DIAPH3: variants seen among roughly 807,000 people sequenced by gnomAD.
DIAPH3 encodes the protein diaphanous related formin 3, also known as protein diaphanous homolog 3.
DIAPH3 carries 117 observed loss-of-function variants against 144.3 expected under a neutral mutation model. The ratio of observed to expected loss-of-function variants is 0.81; its 90% CI spans 0.70 to 0.95. The LOEUF is 0.95. DIAPH3 is among the 40% of genes least tolerant of loss of function. DIAPH3 has a pLI of 0.00. For synonymous variants in DIAPH3, 519 were observed against 488.9 expected, an observed-to-expected ratio of 1.06 and a Z score of -0.81; for missense variants, 1,421 against 1,412.7, an observed-to-expected ratio of 1.01 and a Z score of -0.09.
rs146174863 is a variant in DIAPH3 at position 59,795,602 on chromosome 13, C to T, written c.3163+15186G>A. On this transcript the variant is annotated intron_variant, in intron 25 of 27. Coordinates refer to ENST00000400324, the MANE Select transcript of DIAPH3 (RefSeq NM_001042517.2). The stretch of plus-strand genomic sequence containing the variant: ...CTGAGTAGCTGGGACTACAGGTGGC[C>T]GCCACCATTCCAGGCTATTTTTTTT... Among the ~76,000 whole-genome samples, 44 of 152,002 alleles carry T rather than the reference C, an allele frequency of 2.9e-4. No homozygotes were observed. The East Asian group carries it at 6.6e-3, about 23-fold the overall frequency.
intron 9 of DIAPH3, among the ~76,000 whole-genome samples, chr13:60,003,533 A>C (rs541750864): frequency 1.8e-4 from 27 of 150,260 alleles, no homozygotes; most frequent in African/African-American, 4.9e-4. Flanking sequence ...ATATATAGAT[A>C]TATCTATCTA....
chr13:59,856,631 CTAA>C (rs1440106362), intron 22 of DIAPH3, among the ~76,000 whole-genome samples: 1 of 152,168 alleles, frequency 6.6e-6, no homozygotes, highest in African/African-American at 2.4e-5. Flanking sequence ...TAGGGATATC[CTAA>C]TGATCTCATT....
chr13:60,031,732 CTTTT>C (rs1165739891), intron 5 of DIAPH3, among the ~76,000 whole-genome samples: 5 of 64,680 alleles, frequency 7.7e-5, no homozygotes, highest in South Asian at 7.0e-4. Context: ...GTCATTAAAT[CTTTT>C]TTTTTTTTTT....
intron 1 of DIAPH3, among the ~76,000 whole-genome samples, chr13:60,152,428 T>C (rs1371705707): frequency 2.0e-5 from 3 of 151,670 alleles, no homozygotes; most frequent in African/African-American, 4.8e-5. Context: ...TCCTCAAAGA[T>C]GGAGAGATCA....
chr13:59,841,914 T>C (rs553455225), intron 22 of DIAPH3, among the ~76,000 whole-genome samples: 1 of 152,230 alleles, frequency 6.6e-6, no homozygotes, highest in African/African-American at 2.4e-5. Context: ...AGTAAAAAGG[T>C]CAAATTAAAA....
Position 59,916,217 on chromosome 13 carries a change from C to A in DIAPH3, c.2203G>T (p.Glu735Ter). 1 of 1,613,256 alleles carries A rather than the reference C, an allele frequency of 6.2e-7. No homozygotes were observed. Among genetic ancestry groups the A allele is most frequent in the Non-Finnish European group, 8.5e-7 (1 of 1,179,474 alleles). The change falls in exon 19 of 28, where the codon GAG becomes TAG. Residue 735 changes from glutamate to a stop codon, truncating the protein, a stop_gained. Coordinates refer to ENST00000400324, the MANE Select transcript of DIAPH3 (RefSeq NM_001042517.2). LOFTEE classifies it high-confidence loss of function. ...IFLSSFRVPY[E>*]EIRMMILEVD... ...TCCAATATCATCATTCTGATTTCCT[C>A]ATATGGCACCCGAAAAGAGCTCAGG...
chr13:59,895,011 C>A (rs1169701193), intron 20 of DIAPH3, among the ~76,000 whole-genome samples: 1 of 151,950 alleles, frequency 6.6e-6, no homozygotes, highest in African/African-American at 2.4e-5. Context: ...TAAAAACTGA[C>A]CTAATGACAG....
intron 22 of DIAPH3, chr13:59,861,162 A>G: frequency 7.7e-7 from 1 of 1,300,346 alleles, no homozygotes; most frequent in Non-Finnish European, 1.0e-6. Flanking sequence ...GGTATCTACA[A>G]GGTTTAAACT....
intron 27 of DIAPH3, among the ~76,000 whole-genome samples, chr13:59,704,580 A>C (rs2034309931): frequency 6.6e-6 from 1 of 152,206 alleles, no homozygotes; most frequent in South Asian, 2.1e-4. Context: ...TGCATGTATG[A>C]TGGTGATCCC....
chr13:59,945,257 AC>A (rs1338962080), intron 17 of DIAPH3, among the ~76,000 whole-genome samples: 1 of 151,680 alleles, frequency 6.6e-6, no homozygotes, highest in African/African-American at 2.4e-5. Context: ...CTCTAAACAC[AC>A]CCCTCATCAT....
At chr13:59,934,102 T>G (rs1428620289) in intron 17 of DIAPH3, among the ~76,000 whole-genome samples, 1 of 152,162 alleles carries the variant, frequency 6.6e-6, no homozygotes, top group Admixed American at 6.5e-5. Context: ...CTTAAATGTT[T>G]TAGTAGTCAG....
At chr13:59,688,875 G>T (rs1386637085) in intron 27 of DIAPH3, among the ~76,000 whole-genome samples, 2 of 151,900 alleles carry the variant, frequency 1.3e-5, no homozygotes, top group African/African-American at 4.8e-5. Flanking sequence ...ATGAATATAT[G>T]AAGACAATGA....
At chr13:60,048,549 A>C (rs1300865408) in intron 4 of DIAPH3, among the ~76,000 whole-genome samples, 1 of 152,048 alleles carries the variant, frequency 6.6e-6, no homozygotes, top group Non-Finnish European at 1.5e-5. Context: ...AGAATTTGAT[A>C]CTCCTGGAAC....
At chr13:59,992,926 T>C (rs1021251500) in intron 9 of DIAPH3, among the ~76,000 whole-genome samples, 4 of 149,302 alleles carry the variant, frequency 2.7e-5, no homozygotes, top group African/African-American at 2.5e-5. Flanking sequence ...ACAACAGAAA[T>C]TGAACATATC....
chr13:60,106,362 A>G (rs1467625061), intron 3 of DIAPH3, among the ~76,000 whole-genome samples: 1 of 152,190 alleles, frequency 6.6e-6, no homozygotes, highest in Non-Finnish European at 1.5e-5. Context: ...GCTGCTGGAA[A>G]AACTATGTGG....
chr13:59,679,517 T>C lies in DIAPH3; in HGVS notation c.3320-12671A>G, dbSNP rs577376390. Among the ~76,000 whole-genome samples, 3 of 152,304 alleles carry C rather than the reference T, an allele frequency of 2.0e-5. No homozygotes were observed. In the South Asian group the frequency reaches 6.2e-4, roughly 32 times the overall value. ...CTATGGTAACACAAAACACAAAGACTAGAAATGTACCATACAGAGGGCAGA... is the reference window on the plus strand; with the variant it reads ...CTATGGTAACACAAAACACAAAGACCAGAAATGTACCATACAGAGGGCAGA... On this transcript the variant is annotated intron_variant, in intron 27 of 27. Coordinates refer to ENST00000400324, the MANE Select transcript of DIAPH3 (RefSeq NM_001042517.2).
intron 7 of DIAPH3, 129 bp downstream of exon 7, chr13:60,015,784 A>G: frequency 1.2e-6 from 1 of 848,942 alleles, no homozygotes; most frequent in Non-Finnish European, 1.9e-6. Flanking sequence ...CTAGAATTCA[A>G]TAAAATTCAA....
intron 25 of DIAPH3, among the ~76,000 whole-genome samples, chr13:59,801,506 T>G (rs1025428880): frequency 6.6e-6 from 1 of 152,236 alleles, no homozygotes; most frequent in African/African-American, 2.4e-5. Flanking sequence ...AAGGATTCTA[T>G]TGAACTGAAA....
In DIAPH3 at chr13:59,875,458, G is replaced by A. The variant is rs372379293; in HGVS notation, c.2607+3771C>T. ...TCATAAGGGTTCGCATGGGGTGCCA[G>A]GTCCTTAAGAGGCCCAGAATACATA... On this transcript the variant is annotated intron_variant, in intron 21 of 27. Coordinates refer to ENST00000400324, the MANE Select transcript of DIAPH3 (RefSeq NM_001042517.2). Among the ~76,000 whole-genome samples, 490 of 151,920 alleles carry A rather than the reference G, an allele frequency of 3.2e-3. 3 individuals carry two copies. The highest frequency in any genetic ancestry group is 0.011 in the African/African-American group (467 of 41,436).
Sources: gnomAD v4.1 joint callset for allele counts (sites outside exome capture counted in the v4.1 genomes callset) on GRCh38, gnomAD v4.1.1 for gene constraint, MANE v1.5 for transcripts, NCBI Gene and HGNC (gene_info 2026-07-23, HGNC 2026-07-21) for gene names.